SEL1L3: variants seen among roughly 807,000 people sequenced by gnomAD.
The protein encoded by SEL1L3 is protein sel-1 homolog 3.
Under a neutral mutation model 142.8 loss-of-function variants are expected in SEL1L3, and 76 were observed. That is an observed-to-expected ratio of 0.53 (90% CI 0.44 to 0.64). The LOEUF (loss-of-function observed/expected upper bound fraction) is 0.64, where lower values mean the gene tolerates loss of function less well. SEL1L3 is among the 30% of genes least tolerant of loss of function. SEL1L3 has a pLI of 0.00. For synonymous variants in SEL1L3, 504 were observed against 519.6 expected (o/e 0.97, Z 0.41); for missense variants, 1,262 against 1,381.7 (o/e 0.91, Z 1.37).
chr4:25,775,548 A>G (rs1719551414), intron 17 of SEL1L3, among the ~76,000 whole-genome samples: 1 of 152,222 alleles, frequency 6.6e-6, no homozygotes, highest in Admixed American at 6.5e-5. Flanking sequence ...AGCCAAGAAA[A>G]TGTGACCCAA....
chr4:25,748,766 A>C (rs914918748), intron 23 of SEL1L3, among the ~76,000 whole-genome samples: 2 of 152,178 alleles, frequency 1.3e-5, no homozygotes, highest in South Asian at 2.1e-4. Context: ...TCTAAATAAA[A>C]ACCCTTCAAG....
At chr4:25,721,386 C>T in the SEL1L3 span, among the ~76,000 whole-genome samples, 1 of 151,552 alleles carries the variant, frequency 6.6e-6, no homozygotes, top group South Asian at 2.1e-4. Context: ...GGTACAAGCT[C>T]AGCTCTTTTG....
intron 14 of SEL1L3, among the ~76,000 whole-genome samples, chr4:25,783,776 A>G (rs1400611296): frequency 1.3e-5 from 2 of 152,206 alleles, no homozygotes; most frequent in African/African-American, 4.8e-5. Flanking sequence ...CCTAGCAATA[A>G]ACTTAATAAA....
At chr4:25,714,577 C>CT in the SEL1L3 span, among the ~76,000 whole-genome samples, 344 of 100,544 alleles carry the variant, frequency 3.4e-3, 4 homozygotes, top group South Asian at 0.028. Context: ...CCTTCTTTTT[C>CT]TTTTTTTTTT....
At chr4:25,824,009 A>G (rs768213108) in intron 6 of SEL1L3, among the ~76,000 whole-genome samples, 3 of 152,236 alleles carry the variant, frequency 2.0e-5, no homozygotes, top group Non-Finnish European at 2.9e-5. Context: ...TCTAGAGATT[A>G]GTCTCGTCTA....
chr4:25,819,787 C>T (rs780705044), intron 8 of SEL1L3, 21 bp downstream of exon 8: 3 of 1,602,248 alleles, frequency 1.9e-6, no homozygotes, highest in Non-Finnish European at 2.6e-6. Flanking sequence ...TAAAACAGCT[C>T]CCCTGAAGCT....
At chr4:25,846,291 C>T (rs913574283) in intron 2 of SEL1L3, among the ~76,000 whole-genome samples, 1 of 152,206 alleles carries the variant, frequency 6.6e-6, no homozygotes, top group Non-Finnish European at 1.5e-5. Context: ...ATTGGTCCTG[C>T]TGAGGCTGTG....
At chr4:25,861,128 T>A (rs987272897) in intron 1 of SEL1L3, among the ~76,000 whole-genome samples, 1 of 152,186 alleles carries the variant, frequency 6.6e-6, no homozygotes, top group Non-Finnish European at 1.5e-5. Context: ...CTCTACTACA[T>A]CACTTCTGCT....
intron 20 of SEL1L3, among the ~76,000 whole-genome samples, chr4:25,761,255 A>G (rs142167556): frequency 7.6e-4 from 115 of 152,306 alleles, no homozygotes; most frequent in African/African-American, 2.2e-3. Context: ...TCCTGGGTTC[A>G]AGTGATTCTC....
intron 1 of SEL1L3, among the ~76,000 whole-genome samples, chr4:25,853,965 C>A (rs1282328153): frequency 6.6e-6 from 1 of 152,104 alleles, no homozygotes; most frequent in East Asian, 1.9e-4. Flanking sequence ...AGCCACTGCC[C>A]CCGGCCTCTC....
chr4:25,743,537 T>C (rs948501019), downstream of SEL1L3, among the ~76,000 whole-genome samples: 1 of 152,142 alleles, frequency 6.6e-6, no homozygotes, highest in Non-Finnish European at 1.5e-5. Context: ...TAGGGAGACA[T>C]GAGACACCAA....
chr4:25,787,576 TC>T (rs1315059158), intron 13 of SEL1L3, among the ~76,000 whole-genome samples: 1 of 152,250 alleles, frequency 6.6e-6, no homozygotes, highest in African/African-American at 2.4e-5. Flanking sequence ...TGCCTTGGCC[TC>T]CCAAAGTGCT....
chr4:25,789,571 T>G, intron 12 of SEL1L3, among the ~76,000 whole-genome samples: 4 of 118,488 alleles, frequency 3.4e-5, no homozygotes, highest in African/African-American at 1.0e-4. Context: ...CCCAACAGAG[T>G]GAGACCCTGA....
the SEL1L3 span, among the ~76,000 whole-genome samples, chr4:25,717,453 G>A: frequency 5.3e-5 from 8 of 152,086 alleles, no homozygotes; most frequent in Admixed American, 3.3e-4. Context: ...ATGACCTGAG[G>A]TCAGGAGTTT....
At chr4:25,822,154 A>G in intron 6 of SEL1L3, 26 bp from the exon 7 acceptor site, 2 of 1,613,504 alleles carry the variant, frequency 1.2e-6, no homozygotes, top group Non-Finnish European at 8.5e-7. Flanking sequence ...AAGGATTAAG[A>G]GAGCTCCATG....
intron 2 of SEL1L3, among the ~76,000 whole-genome samples, chr4:25,840,906 C>T (rs1716125980): frequency 1.3e-5 from 2 of 152,190 alleles, no homozygotes; most frequent in Admixed American, 1.3e-4. Flanking sequence ...TGCCATCTTT[C>T]CCGTCAAGGA....
intron 10 of SEL1L3, among the ~76,000 whole-genome samples, chr4:25,803,529 A>G (rs1273655719): frequency 6.6e-6 from 1 of 152,078 alleles, no homozygotes; most frequent in African/African-American, 2.4e-5. Context: ...TGGTGTGTCA[A>G]CTCTACTGTG....
rs183020835 is a variant in SEL1L3, at chr4:25,808,202, T to C, written c.1565-3450A>G. Among the ~76,000 whole-genome samples, 161 of 152,288 alleles carry C rather than the reference T, an allele frequency of 1.1e-3. 2 individuals are homozygous for C. Among genetic ancestry groups the C allele is most frequent in the Admixed American group, 9.4e-3 (143 of 15,286 alleles). ...AATCTGTAACTAAAAACATGCCTTG[T>C]TTATGGAGATTAATGGTTTAATGAA... On this transcript the variant is annotated intron_variant, in intron 9 of 23. Transcript: ENST00000399878.
intron 17 of SEL1L3, among the ~76,000 whole-genome samples, chr4:25,774,230 C>T (rs1399153790): frequency 6.6e-6 from 1 of 152,192 alleles, no homozygotes; most frequent in African/African-American, 2.4e-5. Flanking sequence ...AGAATATGGG[C>T]CACATGAGAA....
Sources: gnomAD v4.1 joint callset for allele counts (sites outside exome capture counted in the v4.1 genomes callset) on GRCh38, gnomAD v4.1.1 for gene constraint, MANE v1.5 for transcripts, NCBI Gene and HGNC (gene_info 2026-07-23, HGNC 2026-07-21) for gene names.